Variants in SUGCT observed in about 807,000 individuals in gnomAD.
The protein encoded by SUGCT is succinyl-CoA:glutarate CoA-transferase.
A neutral mutation model predicts 55.0 loss-of-function variants in SUGCT; 41 were observed. The ratio of observed to expected loss-of-function variants is 0.74; its 90% CI spans 0.58 to 0.97. The LOEUF is 0.97. Among genes scored for constraint, SUGCT ranks in the 50% least tolerant of loss-of-function variants. The probability of loss-of-function intolerance (pLI) is 0.00; values close to 1 mark genes in which losing one functional copy is unlikely to be tolerated. For synonymous variants in SUGCT, 187 were observed against 200.4 expected, an observed-to-expected ratio of 0.93 and a Z score of 0.56; for missense variants, 568 against 547.8, an observed-to-expected ratio of 1.04 and a Z score of -0.37.
chr7:40,320,570 G>A (rs1004689821), intron 9 of SUGCT, among the ~76,000 whole-genome samples: 1 of 152,108 alleles, frequency 6.6e-6, no homozygotes, highest in African/African-American at 2.4e-5. Flanking sequence ...TTACATACAT[G>A]GCCAACATGG....
chr7:40,988,991 AT>A, the SUGCT span, among the ~76,000 whole-genome samples: 5,530 of 148,608 alleles, frequency 0.037, 240 homozygotes, highest in African/African-American at 0.1. Context: ...AGTCACATGC[AT>A]TTTTTTTTTC....
intron 12 of SUGCT, among the ~76,000 whole-genome samples, chr7:40,602,738 C>G (rs983621476): frequency 6.6e-6 from 1 of 152,168 alleles, no homozygotes; most frequent in Non-Finnish European, 1.5e-5. Flanking sequence ...CTGTTTCCTT[C>G]CCTTCTGGGA....
At chr7:40,927,592 A>G in the SUGCT span, among the ~76,000 whole-genome samples, 1 of 152,200 alleles carries the variant, frequency 6.6e-6, no homozygotes, top group African/African-American at 2.4e-5. Context: ...TGAGGGGCAT[A>G]TAGTCATATC....
intron 12 of SUGCT, among the ~76,000 whole-genome samples, chr7:40,708,389 G>A (rs1489650165): frequency 6.6e-6 from 1 of 152,176 alleles, no homozygotes; most frequent in East Asian, 1.9e-4. Flanking sequence ...GTGGATGAAG[G>A]AAGTAAAGGA....
chr7:40,370,117 T>G (rs1784217747), intron 9 of SUGCT, among the ~76,000 whole-genome samples: 1 of 152,176 alleles, frequency 6.6e-6, no homozygotes, highest in Non-Finnish European at 1.5e-5. Flanking sequence ...AATGTGTATT[T>G]TGATCTACTG....
chr7:40,862,001 TG>T (rs1326180959), downstream of SUGCT, among the ~76,000 whole-genome samples: 1 of 152,140 alleles, frequency 6.6e-6, no homozygotes, highest in African/African-American at 2.4e-5. Flanking sequence ...ATATGAAAAA[TG>T]GTAAAAGATT....
Position 40,154,703 on chromosome 7 carries a change from A to G in SUGCT, c.100+19583A>G, listed in dbSNP as rs566115077. On this transcript the variant is annotated intron_variant, in intron 1 of 13. Coordinates refer to ENST00000335693, the MANE Select transcript of SUGCT (RefSeq NM_001193313.2). The stretch of plus-strand genomic sequence containing the variant: ...ACTCTGGCCTAAAGGAAAGGCAGAG[A>G]ACATAATTACATCTTAGGCCACATT... Among the ~76,000 whole-genome samples, 13 of 152,266 alleles carry G rather than the reference A, an allele frequency of 8.5e-5. No individual in the cohort carries two copies. The South Asian group carries it at 2.7e-3, about 32-fold the overall frequency.
intron 12 of SUGCT, among the ~76,000 whole-genome samples, chr7:40,659,006 G>A (rs1801171243): frequency 6.6e-6 from 1 of 152,166 alleles, no homozygotes; most frequent in Admixed American, 6.5e-5. Context: ...TGTTGGCATG[G>A]CTGCTCCAGT....
intron 7 of SUGCT, among the ~76,000 whole-genome samples, chr7:40,254,902 A>G (rs1436077272): frequency 6.6e-6 from 1 of 151,878 alleles, no homozygotes; most frequent in Non-Finnish European, 1.5e-5. Context: ...ATTTGCTTTA[A>G]AGTTTGAAAA....
At chr7:40,431,741 G>T (rs1787905722) in intron 9 of SUGCT, among the ~76,000 whole-genome samples, 1 of 151,936 alleles carries the variant, frequency 6.6e-6, no homozygotes, top group Non-Finnish European at 1.5e-5. Context: ...GTATTTTATT[G>T]GCATTCTCAG....
At chr7:40,307,268 C>A (rs1404561578) in intron 8 of SUGCT, among the ~76,000 whole-genome samples, 1 of 152,122 alleles carries the variant, frequency 6.6e-6, no homozygotes, top group African/African-American at 2.4e-5. Context: ...AAGCAGAAAA[C>A]TTTGAATAAG....
intron 12 of SUGCT, among the ~76,000 whole-genome samples, chr7:40,527,824 A>G (rs1793884253): frequency 6.6e-6 from 1 of 152,204 alleles, no homozygotes; most frequent in Non-Finnish European, 1.5e-5. Context: ...TTAGAAACAT[A>G]TGGTTCTGGG....
At chr7:40,761,962 C>T (rs746705397) in intron 13 of SUGCT, among the ~76,000 whole-genome samples, 11 of 152,118 alleles carry the variant, frequency 7.2e-5, no homozygotes, top group Admixed American at 3.3e-4. Flanking sequence ...GAACACTGGG[C>T]GGGAGAGGGT....
chr7:40,296,612 C>CGT (rs10528858), intron 8 of SUGCT, among the ~76,000 whole-genome samples: 10,866 of 144,372 alleles, frequency 0.075, 402 homozygotes, highest in Non-Finnish European at 0.087. Flanking sequence ...GTGAGTGACT[C>CGT]GTGTGTGTGT....
At chr7:40,509,687 A>T (rs571644501) in intron 12 of SUGCT, among the ~76,000 whole-genome samples, 23 of 152,024 alleles carry the variant, frequency 1.5e-4, no homozygotes, top group Middle Eastern at 6.8e-3. Flanking sequence ...TTCAGGGCTC[A>T]CTTCTTTGTT....
At chr7:40,928,800 C>A in the SUGCT span, among the ~76,000 whole-genome samples, 1 of 152,008 alleles carries the variant, frequency 6.6e-6, no homozygotes, top group Admixed American at 6.6e-5. Context: ...GGGATTTCAC[C>A]ATGTTGGCCA....
chr7:40,813,091 A>AT, intron 13 of SUGCT, among the ~76,000 whole-genome samples: 1 of 152,090 alleles, frequency 6.6e-6, no homozygotes, highest in Non-Finnish European at 1.5e-5. Flanking sequence ...TTTGATTTTG[A>AT]TTTTTTAAAA....
At chr7:40,746,488 T>G (rs1336066885) in intron 12 of SUGCT, among the ~76,000 whole-genome samples, 1 of 152,218 alleles carries the variant, frequency 6.6e-6, no homozygotes, top group Non-Finnish European at 1.5e-5. Context: ...CATAATTGTA[T>G]GCATGCTACA....
intron 9 of SUGCT, among the ~76,000 whole-genome samples, chr7:40,391,888 G>T (rs78299423): frequency 0.13 from 20,472 of 152,012 alleles, 1,779 homozygotes; most frequent in East Asian, 0.48. Flanking sequence ...CCAACCCAAA[G>T]GTCCATCAAT....
Sources: allele counts gnomAD v4.1 joint callset (sites outside exome capture counted in the v4.1 genomes callset), GRCh38; gene constraint gnomAD v4.1.1; transcripts MANE v1.5; gene names NCBI Gene and HGNC (gene_info 2026-07-23, HGNC 2026-07-21).